Variants in PARP4 observed in about 807,000 individuals in gnomAD.
PARP4 encodes the protein poly(ADP-ribose) polymerase family member 4.
In PARP4, 120 loss-of-function variants were observed where a neutral mutation model predicts 187.7. The observed-to-expected ratio is 0.64, with a 90% CI of 0.55 to 0.74. The LOEUF (loss-of-function observed/expected upper bound fraction) is 0.74. Ranked by LOEUF, PARP4 falls within the 30% of genes least tolerant of loss-of-function variation. The probability of loss-of-function intolerance (pLI) is 0.00; values close to 1 mark genes in which losing one functional copy is unlikely to be tolerated. For synonymous variants in PARP4, 654 were observed against 740.9 expected (o/e 0.88, Z 1.90); for missense variants, 1,836 against 2,070.5 (o/e 0.89, Z 2.20).
intron 10 of PARP4, among the ~76,000 whole-genome samples, chr13:24,489,159 T>C (rs1236597340): frequency 6.6e-6 from 1 of 152,190 alleles, no homozygotes. Flanking sequence ...CCTTTGAGTA[T>C]AGAACTAGGA....
intron 17 of PARP4, among the ~76,000 whole-genome samples, chr13:24,463,296 T>C (rs1872299023): frequency 2.0e-5 from 3 of 152,100 alleles, no homozygotes; most frequent in Admixed American, 2.0e-4. Context: ...GCAAAAAATA[T>C]CTTTCAAAAA....
intron 33 of PARP4, among the ~76,000 whole-genome samples, chr13:24,424,874 A>G (rs1452054701): frequency 6.6e-6 from 1 of 151,090 alleles, no homozygotes; most frequent in Non-Finnish European, 1.5e-5. Flanking sequence ...TAGTAGAGAC[A>G]GGGTTTCACC....
At chr13:24,459,865 A>G (rs1226771715) in intron 18 of PARP4, 107 bp downstream of exon 18, 2 of 862,278 alleles carry the variant, frequency 2.3e-6, no homozygotes, top group Admixed American at 3.0e-5. Flanking sequence ...TATGCCTAAA[A>G]GATTATTTTA....
intron 17 of PARP4, among the ~76,000 whole-genome samples, chr13:24,466,244 C>T (rs1430055671): frequency 6.6e-6 from 1 of 152,130 alleles, no homozygotes; most frequent in African/African-American, 2.4e-5. Flanking sequence ...TGCAGTGGCG[C>T]CATTATGGCT....
chr13:24,462,478 T>C (rs965704361), intron 17 of PARP4, among the ~76,000 whole-genome samples: 1 of 152,214 alleles, frequency 6.6e-6, no homozygotes, highest in Non-Finnish European at 1.5e-5. Context: ...TTTCAGTCTC[T>C]CTTCTTCTTT....
At position 24,477,729 on chromosome 13, in the gene PARP4, AG is replaced by A; in HGVS notation, c.1760del (p.Pro587LeufsTer47). The stretch of plus-strand genomic sequence containing the variant: ...CAACCTTTGAAAAATTTGAAAACTC[AG>A]GTCTGTATTCCTCTAATTCAGTATG... The part of the protein sequence containing the change: ...SDHTELEEYR[P>X]EFSNFSKVED... On this transcript the variant is annotated frameshift_variant, in exon 14 of 34. Transcript: ENST00000381989. LOFTEE classifies it high-confidence loss of function. The A allele has an allele frequency of 6.3e-7, 1 of 1,586,642 alleles. No individual in the cohort carries two copies. The highest frequency in any genetic ancestry group is 2.3e-5 in the East Asian group (1 of 44,360).
intron 10 of PARP4, among the ~76,000 whole-genome samples, chr13:24,487,295 C>T (rs1346955805): frequency 6.9e-6 from 1 of 144,688 alleles, no homozygotes; most frequent in African/African-American, 2.5e-5. Context: ...ACCTTAAGTG[C>T]TGTTTAGGAA....
chr13:24,503,059 A>G (rs1869399010), intron 2 of PARP4, among the ~76,000 whole-genome samples: 1 of 152,234 alleles, frequency 6.6e-6, no homozygotes, highest in Non-Finnish European at 1.5e-5. Flanking sequence ...TTTAAAAAAG[A>G]GGAGGTTAAA....
At position 24,447,188 on chromosome 13, in the gene PARP4, T is replaced by C. The variant is rs1871260673; in HGVS notation, c.3115-2A>G. On this transcript the variant is annotated splice_acceptor_variant, in intron 25 of 33. Transcript: ENST00000381989. LOFTEE classifies it high-confidence loss of function. ...TAGCCTGGTCATTTGGTCTTCTATC[T>C]ATTTATAAAAGAGGAATTATTTCTC... 1 of 1,583,032 alleles carries C rather than the reference T, an allele frequency of 6.3e-7. No individual in the cohort carries two copies. The highest frequency in any genetic ancestry group is 1.4e-5 in the African/African-American group (1 of 73,186).
In PARP4 at chr13:24,456,551, C is replaced by CA. The variant is rs1871864310; in HGVS notation, c.2425-74dup. On this transcript the variant is annotated intron_variant, in intron 20 of 33. Transcript: ENST00000381989. ...ATATTAGCAGTCTGCACTTACCTGT[C>CA]ATGGAGCAAACCCTTGCATAGCTTA... The CA allele has an allele frequency of 2.1e-6, 3 of 1,400,368 alleles. No individual in the cohort carries two copies. In the East Asian group the frequency reaches 7.1e-5, roughly 33 times the overall value. 86.7% of individuals were successfully genotyped at this position (1,400,368 alleles called of 1,614,324 possible).
At chr13:24,497,096 T>C (rs1869000292) in intron 6 of PARP4, among the ~76,000 whole-genome samples, 1 of 152,202 alleles carries the variant, frequency 6.6e-6, no homozygotes, top group African/African-American at 2.4e-5. Flanking sequence ...TGGTGGGTGT[T>C]GCAGCATTTT....
chr13:24,449,926 GGAA>G, intron 24 of PARP4, 109 bp from the exon 25 acceptor site: 1 of 601,086 alleles, frequency 1.7e-6, no homozygotes, highest in Non-Finnish European at 3.0e-6. Flanking sequence ...CATGACGTGG[GGAA>G]GAATGTACTC....
At chr13:24,509,207 T>C (rs1869864087) in intron 1 of PARP4, among the ~76,000 whole-genome samples, 1 of 152,178 alleles carries the variant, frequency 6.6e-6, no homozygotes, top group African/African-American at 2.4e-5. Context: ...TGGTAAATTA[T>C]TAAAAATTAT....
intron 24 of PARP4, 93 bp downstream of exon 24, chr13:24,452,313 G>T: frequency 2.0e-6 from 2 of 983,076 alleles, no homozygotes; most frequent in South Asian, 1.6e-5. Context: ...CTGTATTCTA[G>T]TGTCAACTTC....
At chr13:24,494,799 G>T in intron 6 of PARP4, 77 bp from the exon 7 acceptor site, 1 of 871,410 alleles carries the variant, frequency 1.1e-6, no homozygotes, top group Non-Finnish European at 1.8e-6. Flanking sequence ...TAAAGCAGTA[G>T]GTCCTTGACA....
chr13:24,433,326 C>T lies in PARP4; in HGVS notation c.4746+1069G>A, dbSNP rs563127619. 5.9e-5 allele frequency among the ~76,000 whole-genome samples: 9 copies of T among 152,294 alleles called. No homozygotes were observed. In the East Asian group the frequency reaches 1.2e-3, roughly 20 times the overall value. ...GTGGGCTCCCAGAGCTCGGGGCCTTCGCAGCCTCCACCATAGTGATGGCAT... is the reference window on the plus strand; with the variant it reads ...GTGGGCTCCCAGAGCTCGGGGCCTTTGCAGCCTCCACCATAGTGATGGCAT... On this transcript the variant is annotated intron_variant, in intron 31 of 33. Coordinates refer to ENST00000381989, the MANE Select transcript of PARP4 (RefSeq NM_006437.4).
At chr13:24,449,684 C>T (rs753210088) in intron 25 of PARP4, 34 bp downstream of exon 25, 11 of 1,129,332 alleles carry the variant, frequency 9.7e-6, no homozygotes, top group Middle Eastern at 2.9e-4. Flanking sequence ...GATTTCCAAA[C>T]ATAAATATAA....
intron 17 of PARP4, among the ~76,000 whole-genome samples, chr13:24,466,367 A>G (rs1872472273): frequency 6.6e-6 from 1 of 151,932 alleles, no homozygotes; most frequent in South Asian, 2.1e-4. Context: ...TTTTTTGTAG[A>G]TCTGGGGTTT....
chr13:24,512,116 T>C (rs1356004433), intron 1 of PARP4, among the ~76,000 whole-genome samples: 1 of 152,232 alleles, frequency 6.6e-6, no homozygotes, highest in Non-Finnish European at 1.5e-5. Flanking sequence ...CTTGAATATT[T>C]AGCAGCGCCT....
Sources: gnomAD v4.1 joint callset for allele counts (sites outside exome capture counted in the v4.1 genomes callset) on GRCh38, gnomAD v4.1.1 for gene constraint, MANE v1.5 for transcripts, NCBI Gene and HGNC (gene_info 2026-07-23, HGNC 2026-07-21) for gene names.